The following CA10 variants were observed in gnomAD, a reference collection of about 807,000 sequenced individuals.
CA10 encodes the protein carbonic anhydrase 10 (inactive).
Under a neutral mutation model 44.2 loss-of-function variants are expected in CA10, and 14 were observed. The ratio of observed to expected loss-of-function variants is 0.32; its 90% CI spans 0.21 to 0.50. CA10 has a LOEUF of 0.50. Among genes scored for constraint, CA10 ranks in the 20% least tolerant of loss-of-function variants. CA10 has a pLI of 0.99. For synonymous variants in CA10, 159 were observed against 141.6 expected, an observed-to-expected ratio of 1.12 and a Z score of -0.87; for missense variants, 350 against 409.7, an observed-to-expected ratio of 0.85 and a Z score of 1.26.
chr17:51,827,661 G>A (rs1908078195), intron 3 of CA10, among the ~76,000 whole-genome samples: 1 of 152,182 alleles, frequency 6.6e-6, no homozygotes, highest in Admixed American at 6.5e-5. Flanking sequence ...CTTGCTGGCA[G>A]GTAATCGTTA....
At chr17:51,975,799 A>C (rs1984442656) in intron 2 of CA10, among the ~76,000 whole-genome samples, 2 of 143,380 alleles carry the variant, frequency 1.4e-5, no homozygotes, top group Non-Finnish European at 3.0e-5. Flanking sequence ...AGAACCGAGG[A>C]GGCGGAGGTT....
At chr17:52,044,238 A>G (rs1033299411) in intron 2 of CA10, among the ~76,000 whole-genome samples, 6 of 151,962 alleles carry the variant, frequency 3.9e-5, no homozygotes, top group African/African-American at 1.5e-4. Context: ...TTTTCTCACT[A>G]TTGGTCTGTT....
At chr17:51,726,564 A>T (rs939840489) in intron 4 of CA10, among the ~76,000 whole-genome samples, 3 of 152,226 alleles carry the variant, frequency 2.0e-5, no homozygotes, top group African/African-American at 7.2e-5. Context: ...AATACATTTT[A>T]AATTTGCCAG....
intron 3 of CA10, among the ~76,000 whole-genome samples, chr17:51,803,503 T>C (rs1203046421): frequency 6.7e-6 from 1 of 150,228 alleles, no homozygotes; most frequent in South Asian, 2.1e-4. Context: ...CAAAAAAATG[T>C]CTGCCTATTT....
Position 51,766,624 on chromosome 17 carries a change from T to C in CA10, c.280-18806A>G, listed in dbSNP as rs141288152. Among the ~76,000 whole-genome samples, 620 of 152,308 alleles carry C rather than the reference T, an allele frequency of 4.1e-3. 2 individuals carry two copies. Among genetic ancestry groups the C allele is most frequent in the African/African-American group, 0.014 (599 of 41,562 alleles). ...AGGGAAGTGGGGAGATAAATGAATATGTCAGTTTGCTTATTTTTGCTTATT... is the reference window on the plus strand; with the variant it reads ...AGGGAAGTGGGGAGATAAATGAATACGTCAGTTTGCTTATTTTTGCTTATT... On this transcript the variant is annotated intron_variant, in intron 3 of 8. Transcript: ENST00000451037.
At chr17:51,815,336 A>G (rs1219219747) in intron 3 of CA10, among the ~76,000 whole-genome samples, 3 of 152,172 alleles carry the variant, frequency 2.0e-5, no homozygotes, top group African/African-American at 4.8e-5. Context: ...TGCGTGTCCA[A>G]TTATTGAGGC....
chr17:51,951,496 T>A (rs947754605), intron 2 of CA10, among the ~76,000 whole-genome samples: 2 of 152,150 alleles, frequency 1.3e-5, no homozygotes, highest in African/African-American at 4.8e-5. Context: ...GTTGCCCAAA[T>A]CAGACTTAAC....
intron 4 of CA10, among the ~76,000 whole-genome samples, chr17:51,694,152 T>G (rs1263959): frequency 6.6e-6 from 1 of 151,330 alleles, no homozygotes; most frequent in Non-Finnish European, 1.5e-5. Flanking sequence ...TGCAGTGAGC[T>G]GAGATCATGC....
At chr17:52,079,481 T>C (rs1299652299) in intron 1 of CA10, among the ~76,000 whole-genome samples, 1 of 152,112 alleles carries the variant, frequency 6.6e-6, no homozygotes, top group African/African-American at 2.4e-5. Flanking sequence ...AATTCCATTA[T>C]TTATGCAAAA....
chr17:51,875,005 G>A (rs1195403672), intron 3 of CA10, among the ~76,000 whole-genome samples: 1 of 117,402 alleles, frequency 8.5e-6, no homozygotes, highest in Admixed American at 8.4e-5. Flanking sequence ...TTTTCTTAGG[G>A]TCTTTCTTTG....
intron 1 of CA10, among the ~76,000 whole-genome samples, chr17:52,090,929 T>A (rs536941437): frequency 1.2e-4 from 18 of 152,276 alleles, no homozygotes; most frequent in African/African-American, 4.3e-4. Context: ...AGACAAAGAT[T>A]TATGTAAATA....
chr17:52,131,209 T>C (rs973889380), intron 1 of CA10, among the ~76,000 whole-genome samples: 3 of 152,328 alleles, frequency 2.0e-5, no homozygotes, highest in Non-Finnish European at 4.4e-5. Context: ...TTGAGTGTTC[T>C]GTCTCTACTT....
intron 2 of CA10, among the ~76,000 whole-genome samples, chr17:51,974,395 A>AC (rs956243490): frequency 1.1e-4 from 10 of 90,284 alleles, no homozygotes; most frequent in African/African-American, 4.4e-4. Context: ...TTAAAAAAAA[A>AC]AAACAAAAAC....
intron 2 of CA10, among the ~76,000 whole-genome samples, chr17:52,018,638 A>C (rs1052736742): frequency 2.6e-5 from 4 of 152,094 alleles, no homozygotes; most frequent in South Asian, 2.1e-4. Flanking sequence ...TAGGTAGAAG[A>C]AGCTTGCCTT....
intron 4 of CA10, among the ~76,000 whole-genome samples, chr17:51,679,272 T>C (rs916055693): frequency 7.1e-6 from 1 of 141,282 alleles, no homozygotes; most frequent in Non-Finnish European, 1.6e-5. Context: ...CTCTTTTTTT[T>C]TTTTTGGGAT....
chr17:51,945,893 C>A (rs796129958), intron 2 of CA10, among the ~76,000 whole-genome samples: 1 of 152,106 alleles, frequency 6.6e-6, no homozygotes, highest in Non-Finnish European at 1.5e-5. Flanking sequence ...CAAAAACACA[C>A]TTAGGAAAGG....
chr17:51,891,613 T>C (rs1054755591), intron 3 of CA10, among the ~76,000 whole-genome samples: 1 of 152,212 alleles, frequency 6.6e-6, no homozygotes, highest in Admixed American at 6.5e-5. Context: ...CCAGCTGCAA[T>C]TGATGGAAAA....
At chr17:51,865,898 C>A (rs1039971909) in intron 3 of CA10, among the ~76,000 whole-genome samples, 29 of 152,180 alleles carry the variant, frequency 1.9e-4, no homozygotes, top group African/African-American at 6.5e-4. Context: ...ACAGAGGAAA[C>A]CACGTTGATT....
At chr17:51,886,620 G>A (rs1482535645) in intron 3 of CA10, among the ~76,000 whole-genome samples, 1 of 152,222 alleles carries the variant, frequency 6.6e-6, no homozygotes, top group African/African-American at 2.4e-5. Flanking sequence ...CAACATGACT[G>A]CACTAACGGA....
Sources: gnomAD v4.1 joint callset for allele counts (sites outside exome capture counted in the v4.1 genomes callset) on GRCh38, gnomAD v4.1.1 for gene constraint, MANE v1.5 for transcripts, NCBI Gene and HGNC (gene_info 2026-07-23, HGNC 2026-07-21) for gene names.